HELLS: variants seen among roughly 807,000 people sequenced by gnomAD.
The protein encoded by HELLS is lymphoid-specific helicase.
HELLS carries 32 observed loss-of-function variants against 120.0 expected under a neutral mutation model. The ratio of observed to expected loss-of-function variants is 0.27; its 90% confidence interval spans 0.20 to 0.36. The LOEUF (loss-of-function observed/expected upper bound fraction) is 0.36. HELLS is among the 10% of genes least tolerant of loss of function. The probability of loss-of-function intolerance (pLI) is 1.00; values close to 1 mark genes in which losing one functional copy is unlikely to be tolerated. For missense variants in HELLS, 650 were observed against 993.4 expected (o/e 0.65, Z 4.65); for synonymous variants, 341 against 323.4 (o/e 1.05, Z -0.58).
chr10:94,567,182 C>T (rs1843845332), intron 6 of HELLS, among the ~76,000 whole-genome samples: 1 of 152,146 alleles, frequency 6.6e-6, no homozygotes, highest in South Asian at 2.1e-4. Flanking sequence ...TGTTTCTTCA[C>T]CTTTTCCTTC....
downstream of HELLS, among the ~76,000 whole-genome samples, chr10:94,604,876 A>C (rs563438668): frequency 1.7e-3 from 264 of 152,032 alleles, no homozygotes; most frequent in African/African-American, 5.8e-3. Context: ...TAAGCCCCTC[A>C]GTATATTAAA....
chr10:94,562,812 T>A lies in HELLS; in HGVS notation c.371T>A (p.Val124Asp). Reference protein sequence around the residue: ...NSIDASEEKPVMRKKRGREDE... With the variant: ...NSIDASEEKPDMRKKRGREDE... The stretch of plus-strand genomic sequence containing the variant: ...TCAAAAATAAAATTTTTTTTTATAG[T>A]TATGAGGAAAAAAAGAGGAAGAGAA... Residue 124 changes from valine (V) to aspartate (D), a missense_variant and splice_region_variant, in exon 6 of 22, where the codon GTT (valine) becomes GAT (aspartate). Val to Asp is a radical substitution (Grantham distance 152). Coordinates refer to ENST00000348459, the MANE Select transcript of HELLS (RefSeq NM_018063.5). 1.3e-6 allele frequency: 2 copies of A among 1,559,214 alleles called. No individual in the cohort carries two copies. Among genetic ancestry groups the A allele is most frequent in the Non-Finnish European group, 1.8e-6 (2 of 1,140,678 alleles).
At chr10:94,589,018 A>G (rs1269488254) in intron 13 of HELLS, among the ~76,000 whole-genome samples, 1 of 152,168 alleles carries the variant, frequency 6.6e-6, no homozygotes, top group Non-Finnish European at 1.5e-5. Context: ...GTGGTGGCGC[A>G]TGCCTGTAAT....
At chr10:94,585,057 C>T (rs1174130320) in intron 12 of HELLS, among the ~76,000 whole-genome samples, 1 of 151,882 alleles carries the variant, frequency 6.6e-6, no homozygotes, top group East Asian at 1.9e-4. Context: ...TGAAAGAATT[C>T]CTTTCCTTTT....
intron 4 of HELLS, among the ~76,000 whole-genome samples, chr10:94,559,003 C>T (rs1021531877): frequency 6.6e-6 from 1 of 152,130 alleles, no homozygotes; most frequent in Non-Finnish European, 1.5e-5. Flanking sequence ...CAATCATATT[C>T]AAGGATTCTA....
intron 3 of HELLS, among the ~76,000 whole-genome samples, chr10:94,556,102 G>T (rs1437994065): frequency 6.6e-6 from 1 of 152,214 alleles, no homozygotes; most frequent in Admixed American, 6.5e-5. Context: ...GGAACTGGTA[G>T]TTAAAAGTCT....
intron 19 of HELLS, among the ~76,000 whole-genome samples, 158 bp downstream of exon 19, chr10:94,595,012 G>A (rs1209745430): frequency 6.6e-5 from 10 of 152,100 alleles, no homozygotes; most frequent in Admixed American, 1.3e-4. Flanking sequence ...AGTGGATCAC[G>A]AGGTCAGGAG....
At chr10:94,598,815 C>G (rs1347442708) in intron 21 of HELLS, among the ~76,000 whole-genome samples, 1 of 151,786 alleles carries the variant, frequency 6.6e-6, no homozygotes, top group East Asian at 1.9e-4. Context: ...TTGATATTTT[C>G]TTTTAATAGT....
intron 1 of HELLS, 92 bp from the exon 2 acceptor site, chr10:94,546,285 C>T (rs1312605992): frequency 5.4e-6 from 8 of 1,481,772 alleles, no homozygotes; most frequent in Admixed American, 1.7e-5. Context: ...TGCTCCAGTG[C>T]ATCTCGGGTG....
chr10:94,604,073 G>A (rs547740918), downstream of HELLS, among the ~76,000 whole-genome samples: 2 of 148,626 alleles, frequency 1.3e-5, no homozygotes, highest in African/African-American at 2.5e-5. Context: ...TGATCTGCCC[G>A]CCTTGGCCTC....
At chr10:94,580,247 C>T (rs915469572) in intron 10 of HELLS, among the ~76,000 whole-genome samples, 4 of 143,670 alleles carry the variant, frequency 2.8e-5, no homozygotes, top group East Asian at 2.0e-4. Flanking sequence ...TGCAGTGGCA[C>T]GATCTCGGCT....
intron 8 of HELLS, chr10:94,607,820 C>T (rs1413031133): frequency 1.1e-5 from 3 of 272,690 alleles, no homozygotes; most frequent in South Asian, 3.0e-5. Context: ...TGCCTCCGAG[C>T]GGGGTCCAGC....
At chr10:94,561,270 C>G (rs1289757966) in intron 4 of HELLS, among the ~76,000 whole-genome samples, 1 of 152,092 alleles carries the variant, frequency 6.6e-6, no homozygotes, top group Admixed American at 6.6e-5. Flanking sequence ...CAGGCATGAG[C>G]TAGCACAACT....
intron 2 of HELLS, among the ~76,000 whole-genome samples, chr10:94,552,099 AACC>A (rs57396336): frequency 0.012 from 1,814 of 152,280 alleles, 54 homozygotes; most frequent in African/African-American, 0.042. Context: ...CTTAAGTTGA[AACC>A]ACCAATTACT....
downstream of HELLS, among the ~76,000 whole-genome samples, chr10:94,604,610 C>T (rs1375132846): frequency 1.3e-5 from 2 of 152,104 alleles, no homozygotes; most frequent in African/African-American, 4.8e-5. Context: ...CTTGAAAAGC[C>T]TGCATTCCTA....
chr10:94,583,252 G>A (rs761598745), intron 12 of HELLS, among the ~76,000 whole-genome samples, 193 bp downstream of exon 12: 1 of 152,080 alleles, frequency 6.6e-6, no homozygotes, highest in Non-Finnish European at 1.5e-5. Flanking sequence ...GCTTACCTAA[G>A]TTTTGTCCTT....
At position 94,601,656 on chromosome 10, in the gene HELLS, A is replaced by G. The variant is rs992933365; in HGVS notation, c.*34A>G. 4 of 1,107,124 alleles carry G rather than the reference A, an allele frequency of 3.6e-6. No individual in the cohort carries two copies. The highest frequency in any genetic ancestry group is 5.4e-6 in the Non-Finnish European group (4 of 742,930). The allele number at this position is 1,107,124 out of a possible 1,614,324, so 68.6% of individuals were successfully genotyped here. A position where few individuals can be genotyped will look rare whatever the true frequency, so the allele number is the denominator to read the frequency against. ...TCAAGAATAGCTTTTAAAAGTTCTT[A>G]TTTACATCTAGTGATTTCCCTGTAT... On this transcript the variant is annotated 3_prime_UTR_variant, in exon 22 of 22. Coordinates refer to ENST00000348459, the MANE Select transcript of HELLS (RefSeq NM_018063.5).
At position 94,549,672 on chromosome 10, in the gene HELLS, A is replaced by G. The variant is rs570053570; in HGVS notation, c.153+3174A>G. Among the ~76,000 whole-genome samples, 252 of 152,300 alleles carry G rather than the reference A, an allele frequency of 1.7e-3. 1 individual carries two copies. The highest frequency in any genetic ancestry group is 4.0e-3 in the Admixed American group (61 of 15,278). The stretch of plus-strand genomic sequence containing the variant: ...TGAGGAATTTCTGCCCTCGGTGTCC[A>G]TTGGCATACTCTGTACTGTAGTTAC... On this transcript the variant is annotated intron_variant, in intron 2 of 21. Coordinates refer to ENST00000348459, the MANE Select transcript of HELLS (RefSeq NM_018063.5).
chr10:94,589,680 CTTTTT>C (rs67491329), intron 13 of HELLS, among the ~76,000 whole-genome samples: 54 of 91,984 alleles, frequency 5.9e-4, no homozygotes, highest in East Asian at 2.0e-3. Flanking sequence ...CTCCCCCCGA[CTTTTT>C]TTTTTTTTTT....
Sources: allele counts gnomAD v4.1 joint callset (sites outside exome capture counted in the v4.1 genomes callset), GRCh38; gene constraint gnomAD v4.1.1; transcripts MANE v1.5; gene names NCBI Gene and HGNC (gene_info 2026-07-23, HGNC 2026-07-21).